ZNF469: variants seen among roughly 807,000 people sequenced by gnomAD.
ZNF469 encodes zinc finger protein 469.
A neutral mutation model predicts 1.0 loss-of-function variants in ZNF469; 1 was observed. The ratio of observed to expected loss-of-function variants is 1.00; its 90% CI spans 0.35 to 4.73. The LOEUF is 4.73. Among genes scored for constraint, ZNF469 ranks in the 30% most tolerant of loss-of-function variants. The pLI is 0.16. For synonymous variants in ZNF469, 2,703 were observed against 2,363.4 expected (o/e 1.14, Z -4.17); for missense variants, 6,100 against 5,356.3 (o/e 1.14, Z -4.33).
the ZNF469 span, among the ~76,000 whole-genome samples, chr16:88,311,107 G>A: frequency 1.3e-5 from 2 of 152,196 alleles, no homozygotes; most frequent in African/African-American, 4.8e-5. Flanking sequence ...GGCATTTTGT[G>A]GATCATCCCT....
At chr16:88,171,057 T>C in the ZNF469 span, among the ~76,000 whole-genome samples, 1 of 152,188 alleles carries the variant, frequency 6.6e-6, no homozygotes, top group African/African-American at 2.4e-5. Context: ...GTCTTTTAAA[T>C]ATACATTTAT....
the ZNF469 span, among the ~76,000 whole-genome samples, chr16:88,345,843 G>C: frequency 6.6e-6 from 1 of 152,202 alleles, no homozygotes; most frequent in Non-Finnish European, 1.5e-5. Context: ...GCCCCACCGA[G>C]GCTGCCAGAG....
chr16:88,236,573 GT>G, the ZNF469 span, among the ~76,000 whole-genome samples: 5 of 152,224 alleles, frequency 3.3e-5, no homozygotes, highest in Non-Finnish European at 5.9e-5. Flanking sequence ...GGAGCTTAGA[GT>G]TTTATTTTTG....
the ZNF469 span, among the ~76,000 whole-genome samples, chr16:88,146,614 C>T: frequency 6.6e-6 from 1 of 152,228 alleles, no homozygotes; most frequent in South Asian, 2.1e-4. Flanking sequence ...TCTTCTCTCC[C>T]ACCGTCTCCA....
At chr16:88,150,027 G>A in the ZNF469 span, among the ~76,000 whole-genome samples, 1 of 152,228 alleles carries the variant, frequency 6.6e-6, no homozygotes, top group East Asian at 1.9e-4. Context: ...ACATTTGTTG[G>A]TTAGGAGCAG....
intron 1 of ZNF469, among the ~76,000 whole-genome samples, chr16:88,396,659 C>CG (rs1904677642): frequency 6.7e-6 from 1 of 150,178 alleles, no homozygotes. Flanking sequence ...GGCGGAGACC[C>CG]TCCTGAAGGG....
At chr16:88,289,017 G>A in the ZNF469 span, among the ~76,000 whole-genome samples, 5 of 152,080 alleles carry the variant, frequency 3.3e-5, no homozygotes, top group Admixed American at 2.0e-4. Flanking sequence ...TGATAATGAC[G>A]ATGATGAGGG....
the ZNF469 span, among the ~76,000 whole-genome samples, chr16:88,323,752 C>G: frequency 2.0e-5 from 3 of 152,266 alleles, no homozygotes; most frequent in South Asian, 6.2e-4. Context: ...TGGCCGTGGT[C>G]CCACAGACCA....
At chr16:88,237,554 T>G in the ZNF469 span, among the ~76,000 whole-genome samples, 2,306 of 32,996 alleles carry the variant, frequency 0.07, 8 homozygotes, top group East Asian at 0.16. Context: ...CTCCTGCCAC[T>G]CACCCTCCCT....
At chr16:88,165,671 C>T in the ZNF469 span, among the ~76,000 whole-genome samples, 1 of 152,192 alleles carries the variant, frequency 6.6e-6, no homozygotes, top group African/African-American at 2.4e-5. Flanking sequence ...AGGTACAGTT[C>T]TCTGGGACTC....
the ZNF469 span, among the ~76,000 whole-genome samples, chr16:88,105,222 C>G: frequency 2.6e-5 from 4 of 151,128 alleles, no homozygotes; most frequent in Non-Finnish European, 1.5e-5. Context: ...GACCCTGTCA[C>G]AAAAAAGGAA....
rs1004296840 is a variant in ZNF469, at chr16:88,431,469, C to T, written c.3999C>T (p.Asn1333=). The change falls in exon 3 of 3, where the codon AAC becomes AAT. Residue 1333 remains asparagine (N), a synonymous_variant. Coordinates refer to ENST00000565624, the MANE Select transcript of ZNF469 (RefSeq NM_001367624.2). The stretch of plus-strand genomic sequence containing the variant: ...GAGAATTTCTGGCACCCGTGGCTAA[C>T]CCCTCAAGTACCGCCTGCCCCAAAC... ...QPGEFLAPVA[N]PSSTACPKPS... 1.3e-6 allele frequency: 2 copies of T among 1,550,398 alleles called. No individual in the cohort carries two copies. Among genetic ancestry groups the T allele is most frequent in the Non-Finnish European group, 1.7e-6 (2 of 1,146,982 alleles).
chr16:88,120,390 C>T, the ZNF469 span, among the ~76,000 whole-genome samples: 2 of 152,366 alleles, frequency 1.3e-5, no homozygotes, highest in East Asian at 3.9e-4. Context: ...GCTCATTTCC[C>T]GGAGTGATGT....
At position 88,431,376 on chromosome 16, in the gene ZNF469, G is replaced by A; in HGVS notation, c.3906G>A (p.Leu1302=). The A allele has an allele frequency of 1.9e-6, 3 of 1,550,026 alleles. No homozygotes were observed. The highest frequency in any genetic ancestry group is 2.6e-6 in the Non-Finnish European group (3 of 1,146,920). The part of the protein sequence containing the change: ...SSPTPGVGSL[L]GGPGGTQAPV... ...CAACGCCAGGTGTGGGCAGCCTGCT[G>A]GGTGGTCCTGGGGGCACACAGGCCC... The change falls in exon 3 of 3, where the codon CTG becomes CTA. Residue 1302 remains leucine, a synonymous_variant. Coordinates refer to ENST00000565624, the MANE Select transcript of ZNF469 (RefSeq NM_001367624.2).
chr16:88,428,099 C>G lies in ZNF469; in HGVS notation c.629C>G (p.Pro210Arg), dbSNP rs1302052402. Residue 210 changes from proline (P) to arginine (R), a missense_variant, in exon 3 of 3, where the codon CCC (proline) becomes CGC (arginine). Coordinates refer to ENST00000565624, the MANE Select transcript of ZNF469 (RefSeq NM_001367624.2). ...ACCCCCAGGCCCCCAGCCCCGGGGCCCCCCCAGAGCAGGGGCACCAGCCCC... is the reference window on the plus strand; with the variant it reads ...ACCCCCAGGCCCCCAGCCCCGGGGCGCCCCCAGAGCAGGGGCACCAGCCCC... ...SATPRPPAPG[P>R]PQSRGTSPLQ... 2 of 1,549,742 alleles carry G rather than the reference C, an allele frequency of 1.3e-6. No homozygotes were observed. Among genetic ancestry groups the G allele is most frequent in the South Asian group, 1.2e-5 (1 of 84,050 alleles).
the ZNF469 span, among the ~76,000 whole-genome samples, chr16:88,272,133 G>A: frequency 6.6e-6 from 1 of 151,052 alleles, no homozygotes. Flanking sequence ...TGGGTAAATG[G>A]GTAGGTGGAT....
At chr16:88,208,302 CG>C in the ZNF469 span, among the ~76,000 whole-genome samples, 1 of 151,090 alleles carries the variant, frequency 6.6e-6, no homozygotes, top group East Asian at 2.0e-4. Flanking sequence ...TGCAATCTGG[CG>C]CTTTCCCTGT....
At chr16:88,184,153 A>G in the ZNF469 span, among the ~76,000 whole-genome samples, 1 of 151,946 alleles carries the variant, frequency 6.6e-6, no homozygotes, top group African/African-American at 2.4e-5. Flanking sequence ...CGACCCTCAC[A>G]TCCCAGGGAG....
rs547114021 is a variant in ZNF469 at position 88,427,443 on chromosome 16, G to A, written c.-28G>A. ...CCCAGGGCCCCCCTCGGACAGCTGC[G>A]TCGTCCTAGCGCCAGGACGGAGGGG... On this transcript the variant is annotated 5_prime_UTR_variant, in exon 3 of 3. Transcript: ENST00000565624. 84 of 1,457,928 alleles carry A rather than the reference G, an allele frequency of 5.8e-5. No individual in the cohort carries two copies. The highest frequency in any genetic ancestry group is 6.2e-5 in the Non-Finnish European group (69 of 1,106,838). The allele number at this position is 1,457,928 out of a possible 1,614,324, so 90.3% of individuals were successfully genotyped here. A position where few individuals can be genotyped will look rare whatever the true frequency, so the allele number is the denominator to read the frequency against.
Sources: allele counts gnomAD v4.1 joint callset (sites outside exome capture counted in the v4.1 genomes callset), GRCh38; gene constraint gnomAD v4.1.1; transcripts MANE v1.5; gene names NCBI Gene and HGNC (gene_info 2026-07-23, HGNC 2026-07-21).